Variants in BCCIP observed in about 807,000 individuals in gnomAD.
BCCIP encodes the protein BRCA2 and CDKN1A interacting protein, also known as BRCA2 and CDKN1A-interacting protein.
In BCCIP, 23 loss-of-function variants were observed where a neutral mutation model predicts 32.8. That is an observed-to-expected ratio of 0.70 (90% CI 0.51 to 0.99). The LOEUF (loss-of-function observed/expected upper bound fraction) is 0.99, where lower values mean the gene tolerates loss of function less well. BCCIP is among the 50% of genes least tolerant of loss of function. BCCIP has a pLI of 0.00. For missense variants in BCCIP, 378 were observed against 379.8 expected (o/e 1.00, Z 0.04); for synonymous variants, 144 against 137.6 (o/e 1.05, Z -0.33).
At chr10:125,839,263 C>G, downstream of BCCIP, 10 of 1,483,946 alleles carry the variant, frequency 6.7e-6, no homozygotes, top group East Asian at 2.3e-5. Flanking sequence ...CAGGCAGTTG[C>G]CATCTTTAAG....
exon 7 of BCCIP, chr10:125,841,946 A>AGG (rs761375325): frequency 6.4e-7 from 1 of 1,574,378 alleles, no homozygotes. Context: ...TAGGAAAGGA[A>AGG]AAAAATAATA....
At position 125,824,145 on chromosome 10, in the gene BCCIP, C is replaced by G. The variant is rs558543225; in HGVS notation, c.165+423C>G. On this transcript the variant is annotated intron_variant, in intron 1 of 6. Transcript: ENST00000278100. ...GTTTCTTGAAGGCTCTTGCCGCGTT[C>G]TACCGTAGAAGCCTTTTCAAATGCT... 9.8e-5 allele frequency among the ~76,000 whole-genome samples: 15 copies of G among 152,318 alleles called. No individual in the cohort carries two copies. The South Asian group carries it at 3.1e-3, about 32-fold the overall frequency.
chr10:125,848,674 G>A (rs532471880), intron 7 of BCCIP, among the ~76,000 whole-genome samples: 1 of 152,238 alleles, frequency 6.6e-6, no homozygotes, highest in South Asian at 2.1e-4. Context: ...ATAACTGAGG[G>A]TCATTATCTG....
chr10:125,826,995 C>CT (rs1854405745), intron 2 of BCCIP, among the ~76,000 whole-genome samples: 1 of 13,026 alleles, frequency 7.7e-5, no homozygotes, highest in Non-Finnish European at 2.1e-4. Context: ...GCCTCTGTCT[C>CT]TAAAAAAAAA....
chr10:125,840,595 G>GGCT (rs1367847546), downstream of BCCIP, among the ~76,000 whole-genome samples: 1 of 152,232 alleles, frequency 6.6e-6, no homozygotes, highest in African/African-American at 2.4e-5. Flanking sequence ...TCTGAAGGCT[G>GGCT]GCTGAGTGGA....
chr10:125,852,718 T>C (rs1018123970), intron 7 of BCCIP: 12 of 1,300,772 alleles, frequency 9.2e-6, no homozygotes, highest in African/African-American at 5.9e-5. Context: ...GAAGAGAATA[T>C]GCTGCGCAGT....
At chr10:125,838,862 G>A (rs564440370), downstream of BCCIP, 19 of 1,028,226 alleles carry the variant, frequency 1.8e-5, no homozygotes, top group South Asian at 1.9e-4. Flanking sequence ...GGATACTTAA[G>A]TACCAAATCT....
At chr10:125,824,088 C>CA (rs1410090286) in intron 1 of BCCIP, among the ~76,000 whole-genome samples, 1 of 152,226 alleles carries the variant, frequency 6.6e-6, no homozygotes, top group East Asian at 1.9e-4. Context: ...TCCTCCTCTT[C>CA]ACTCTGCGGG....
chr10:125,851,920 C>CAA (rs56380138), intron 7 of BCCIP, among the ~76,000 whole-genome samples: 57 of 86,720 alleles, frequency 6.6e-4, no homozygotes, highest in African/African-American at 1.3e-3. Context: ...GACCCTGTCT[C>CAA]AAAAAAAAAA....
chr10:125,823,782 AG>A, intron 1 of BCCIP, 60 bp downstream of exon 1: 1 of 1,591,672 alleles, frequency 6.3e-7, no homozygotes, highest in Non-Finnish European at 8.6e-7. Context: ...TGGCAAGCCC[AG>A]GCTGTGTAAA....
exon 7 of BCCIP, chr10:125,842,201 G>A: frequency 5.1e-6 from 2 of 393,504 alleles, no homozygotes; most frequent in South Asian, 7.6e-5. Flanking sequence ...GGTGGAGCCT[G>A]CCAGCCTCCC....
At chr10:125,833,542 A>G (rs973423171) in intron 5 of BCCIP, among the ~76,000 whole-genome samples, 3 of 150,850 alleles carry the variant, frequency 2.0e-5, no homozygotes, top group East Asian at 3.8e-4. Flanking sequence ...ATATCCACAA[A>G]TCAGCATAAT....
downstream of BCCIP, among the ~76,000 whole-genome samples, chr10:125,838,601 A>G (rs17153651): frequency 0.019 from 2,822 of 152,334 alleles, 34 homozygotes; most frequent in South Asian, 0.033. Flanking sequence ...CTTCAGCAAC[A>G]GCAGGGCACT....
chr10:125,835,457 T>TA (rs1485663268), intron 6 of BCCIP, among the ~76,000 whole-genome samples: 1 of 151,742 alleles, frequency 6.6e-6, no homozygotes, highest in African/African-American at 2.4e-5. Flanking sequence ...TGGGCACCGG[T>TA]AGTCCCAGCT....
downstream of BCCIP, among the ~76,000 whole-genome samples, chr10:125,846,124 C>T (rs1203793412): frequency 1.3e-5 from 2 of 152,160 alleles, no homozygotes; most frequent in Non-Finnish European, 2.9e-5. Flanking sequence ...ATTCCTCAAG[C>T]GTAAGGGCAT....
At chr10:125,844,602 AATATT>A (rs1268991684), downstream of BCCIP, among the ~76,000 whole-genome samples, 3 of 152,250 alleles carry the variant, frequency 2.0e-5, no homozygotes, top group African/African-American at 4.8e-5. Flanking sequence ...AGGATTTGCT[AATATT>A]ATATTCTGCA....
chr10:125,838,970 C>T (rs1317677681), downstream of BCCIP: 3 of 1,596,198 alleles, frequency 1.9e-6, no homozygotes, highest in African/African-American at 4.0e-5. Context: ...TTCAGCAGAG[C>T]CTATGCTGAG....
downstream of BCCIP, among the ~76,000 whole-genome samples, chr10:125,845,311 A>C (rs909560971): frequency 2.0e-5 from 3 of 152,202 alleles, no homozygotes; most frequent in Non-Finnish European, 4.4e-5. Context: ...TTTTGTTATA[A>C]CAATCTTTGG....
chr10:125,841,006 G>GA (rs771129908), downstream of BCCIP: 1 of 1,589,610 alleles, frequency 6.3e-7, no homozygotes, highest in African/African-American at 1.4e-5. Flanking sequence ...GCTTCAAAAT[G>GA]AAAAAGGTCA....
Sources: gnomAD v4.1 joint callset for allele counts (sites outside exome capture counted in the v4.1 genomes callset) on GRCh38, gnomAD v4.1.1 for gene constraint, MANE v1.5 for transcripts, NCBI Gene and HGNC (gene_info 2026-07-23, HGNC 2026-07-21) for gene names.